Variants in PIP5K1B observed in about 807,000 individuals in gnomAD.
PIP5K1B encodes the protein phosphatidylinositol-4-phosphate 5-kinase type 1 beta.
PIP5K1B carries 42 observed loss-of-function variants against 67.0 expected under a neutral mutation model. The ratio of observed to expected loss-of-function variants is 0.63; its 90% CI spans 0.49 to 0.81. The LOEUF is 0.81. Ranked by LOEUF, PIP5K1B falls within the 30% of genes least tolerant of loss-of-function variation. The pLI is 0.00. For synonymous variants in PIP5K1B, 214 were observed against 231.4 expected (o/e 0.92, Z 0.68); for missense variants, 459 against 646.3 (o/e 0.71, Z 3.14).
intron 4 of PIP5K1B, chr9:68,843,211 T>C (rs2132163033): frequency 1.3e-5 from 2 of 152,384 alleles, no homozygotes; most frequent in Middle Eastern, 6.8e-3. Flanking sequence ...GGGAACCCTA[T>C]GCCAGGGGAG....
intron 4 of PIP5K1B, among the ~76,000 whole-genome samples, chr9:68,838,486 C>G (rs888825590): frequency 1.3e-5 from 2 of 152,202 alleles, no homozygotes; most frequent in African/African-American, 4.8e-5. Flanking sequence ...AAGTGTCACT[C>G]TAGTGCTTCC....
intron 1 of PIP5K1B, among the ~76,000 whole-genome samples, chr9:68,723,373 A>G (rs1827985600): frequency 7.0e-6 from 1 of 141,888 alleles, no homozygotes; most frequent in Admixed American, 7.3e-5. Context: ...GGATTGCTGG[A>G]TCAAATGGTA....
chr9:68,927,445 C>CT (rs889030175), intron 12 of PIP5K1B, among the ~76,000 whole-genome samples: 4 of 152,102 alleles, frequency 2.6e-5, no homozygotes, highest in Non-Finnish European at 5.9e-5. Context: ...TATTGCCTGT[C>CT]TTTTTTTCTT....
At chr9:68,816,631 A>G (rs1302792255) in intron 2 of PIP5K1B, among the ~76,000 whole-genome samples, 1 of 152,210 alleles carries the variant, frequency 6.6e-6, no homozygotes, top group Admixed American at 6.5e-5. Flanking sequence ...AACTAAATCA[A>G]TGTATATAGG....
At chr9:68,785,171 C>T (rs940466958) in intron 2 of PIP5K1B, among the ~76,000 whole-genome samples, 1 of 152,108 alleles carries the variant, frequency 6.6e-6, no homozygotes, top group Non-Finnish European at 1.5e-5. Flanking sequence ...AGGTAAAGCC[C>T]AGTGTGTGAA....
At position 68,905,801 on chromosome 9, in the gene PIP5K1B, C is replaced by T. The variant is rs559773174; in HGVS notation, c.771+11163C>T. ...TGGTGCTGTAGGACCAGGGCCTGCA[C>T]GATTACCTTGTGAAAAGTAAAGTAC... On this transcript the variant is annotated intron_variant, in intron 8 of 15. Coordinates refer to ENST00000265382, the MANE Select transcript of PIP5K1B (RefSeq NM_003558.4). 7.9e-5 allele frequency among the ~76,000 whole-genome samples: 12 copies of T among 152,214 alleles called. No homozygotes were observed. In the East Asian group the frequency reaches 2.3e-3, roughly 29 times the overall value.
At chr9:68,752,097 A>G (rs933032729) in intron 2 of PIP5K1B, among the ~76,000 whole-genome samples, 1 of 152,180 alleles carries the variant, frequency 6.6e-6, no homozygotes, top group African/African-American at 2.4e-5. Flanking sequence ...TCTCGTTTAT[A>G]AAATTCAGTT....
intron 4 of PIP5K1B, among the ~76,000 whole-genome samples, chr9:68,832,348 A>C (rs942487363): frequency 1.5e-4 from 23 of 152,252 alleles, no homozygotes; most frequent in African/African-American, 5.1e-4. Context: ...GTCACAACTC[A>C]ATAATAATCT....
intron 12 of PIP5K1B, among the ~76,000 whole-genome samples, chr9:68,932,332 T>A (rs959115722): frequency 4.6e-5 from 7 of 152,172 alleles, no homozygotes; most frequent in African/African-American, 1.7e-4. Context: ...TAAAAATTAT[T>A]GAGGACACCA....
intron 6 of PIP5K1B, among the ~76,000 whole-genome samples, chr9:68,887,286 C>G (rs1239730781): frequency 1.3e-5 from 2 of 152,152 alleles, no homozygotes; most frequent in Non-Finnish European, 2.9e-5. Context: ...ATAGCAGATG[C>G]TCAATAGTTA....
intron 4 of PIP5K1B, among the ~76,000 whole-genome samples, chr9:68,835,919 G>A (rs1397388519): frequency 6.7e-6 from 1 of 149,928 alleles, no homozygotes; most frequent in Admixed American, 6.7e-5. Context: ...CTCAGTGTCT[G>A]ATTTAGTTTG....
At chr9:68,973,761 G>T (rs1363685016) in intron 14 of PIP5K1B, among the ~76,000 whole-genome samples, 1 of 152,170 alleles carries the variant, frequency 6.6e-6, no homozygotes, top group Non-Finnish European at 1.5e-5. Context: ...CACCAGCCAG[G>T]CCCCAGCCTC....
At chr9:68,933,253 T>G (rs1827093322) in intron 12 of PIP5K1B, among the ~76,000 whole-genome samples, 1 of 151,542 alleles carries the variant, frequency 6.6e-6, no homozygotes, top group African/African-American at 2.4e-5. Flanking sequence ...CAAACCTGCA[T>G]GTTCAGCACA....
At chr9:68,990,204 C>G (rs1413999351) in intron 14 of PIP5K1B, among the ~76,000 whole-genome samples, 2 of 152,142 alleles carry the variant, frequency 1.3e-5, no homozygotes, top group Non-Finnish European at 2.9e-5. Context: ...CACTGCTACT[C>G]CAAGTGTGGT....
At chr9:68,922,600 G>A (rs955850307) in intron 11 of PIP5K1B, among the ~76,000 whole-genome samples, 20 of 152,246 alleles carry the variant, frequency 1.3e-4, no homozygotes, top group African/African-American at 4.3e-4. Flanking sequence ...ACATAGAAAA[G>A]TAGCTCCTTC....
chr9:68,963,087 T>G, intron 14 of PIP5K1B: 1 of 451,224 alleles, frequency 2.2e-6, no homozygotes, highest in Non-Finnish European at 4.5e-6. Flanking sequence ...TCATAATAAC[T>G]TGACCTTTCC....
At chr9:68,942,985 A>G (rs916734197) in intron 14 of PIP5K1B, among the ~76,000 whole-genome samples, 1 of 152,196 alleles carries the variant, frequency 6.6e-6, no homozygotes, top group East Asian at 1.9e-4. Flanking sequence ...CACCAAACTG[A>G]GCCACCAGCA....
intron 7 of PIP5K1B, among the ~76,000 whole-genome samples, chr9:68,892,301 A>G (rs1824833274): frequency 6.6e-6 from 1 of 152,250 alleles, no homozygotes; most frequent in Non-Finnish European, 1.5e-5. Flanking sequence ...TCACACAGAA[A>G]GATTGTAAGA....
intron 1 of PIP5K1B, among the ~76,000 whole-genome samples, chr9:68,740,071 T>G (rs1048529578): frequency 5.3e-5 from 8 of 152,132 alleles, no homozygotes; most frequent in Middle Eastern, 3.2e-3. Flanking sequence ...CTCCCCACCC[T>G]TTGCCTAGAA....
Sources: gnomAD v4.1 joint callset for allele counts (sites outside exome capture counted in the v4.1 genomes callset) on GRCh38, gnomAD v4.1.1 for gene constraint, MANE v1.5 for transcripts, NCBI Gene and HGNC (gene_info 2026-07-23, HGNC 2026-07-21) for gene names.